The following MARCHF7 variants were observed in gnomAD, a reference collection of about 807,000 sequenced individuals.
MARCHF7 encodes the protein membrane associated ring-CH-type finger 7.
MARCHF7 carries 20 observed loss-of-function variants against 76.5 expected under a neutral mutation model. That is an observed-to-expected ratio of 0.26 (90% CI 0.18 to 0.38). The LOEUF (loss-of-function observed/expected upper bound fraction) is 0.38. MARCHF7 is among the 10% of genes least tolerant of loss of function. The pLI is 1.00. For missense variants in MARCHF7, 797 were observed against 812.9 expected (o/e 0.98, Z 0.24); for synonymous variants, 295 against 293.0 (o/e 1.01, Z -0.07).
chr2:159,720,169 G>A (rs560711535), intron 3 of MARCHF7, among the ~76,000 whole-genome samples: 1 of 152,250 alleles, frequency 6.6e-6, no homozygotes, highest in Non-Finnish European at 1.5e-5. Context: ...AGGATTACAG[G>A]AACGCAACAC....
chr2:159,719,696 T>C (rs1190975795), intron 3 of MARCHF7, among the ~76,000 whole-genome samples: 4 of 152,232 alleles, frequency 2.6e-5, no homozygotes, highest in Admixed American at 6.5e-5. Context: ...TTTGTTGACA[T>C]TGGGGCTATG....
intron 3 of MARCHF7, among the ~76,000 whole-genome samples, chr2:159,726,893 C>T (rs948377022): frequency 6.6e-6 from 1 of 152,106 alleles, no homozygotes; most frequent in Non-Finnish European, 1.5e-5. Flanking sequence ...TAAATACTTA[C>T]CATTGAATTA....
rs1349170711 is a variant in MARCHF7 at position 159,748,229 on chromosome 2, T to C, written c.939T>C (p.Asn313=). The part of the protein sequence containing the change: ...SLNTRSLNSE[N]SYVSPRILTA... ...ATACAAGATCATTGAATTCTGAAAA[T>C]TCTTACGTTTCTCCAAGAATCTTGA... Residue 313 remains asparagine, a synonymous_variant, in exon 7 of 12, where the codon AAT becomes AAC. Transcript: ENST00000409175. 1.2e-6 allele frequency: 2 copies of C among 1,613,904 alleles called. No homozygotes were observed. The highest frequency in any genetic ancestry group is 1.7e-6 in the Non-Finnish European group (2 of 1,180,008).
In MARCHF7 at chr2:159,728,994, AT is replaced by A; in HGVS notation, c.-14-10del. ...ATTTTCCCAAAGGCAATTAATGAAAATTTTTATTTCACAGAAAAATCTTTAA... is the reference window on the plus strand; with the variant it reads ...ATTTTCCCAAAGGCAATTAATGAAAATTTTATTTCACAGAAAAATCTTTAA... On this transcript the variant is annotated splice_polypyrimidine_tract_variant and intron_variant, in intron 3 of 11. Transcript: ENST00000409175. 1 of 1,511,182 alleles carries A rather than the reference AT, an allele frequency of 6.6e-7. No homozygotes were observed. The highest frequency in any genetic ancestry group is 8.9e-7 in the Non-Finnish European group (1 of 1,129,028). 93.6% of individuals were successfully genotyped at this position (1,511,182 alleles called of 1,614,324 possible).
chr2:159,733,635 AT>A, intron 4 of MARCHF7: 3 of 985,308 alleles, frequency 3.0e-6, no homozygotes, highest in Non-Finnish European at 3.6e-6. Flanking sequence ...CACTTGGTAA[AT>A]CTGAAGCTTC....
At chr2:159,745,200 A>G (rs555155110) in intron 5 of MARCHF7, among the ~76,000 whole-genome samples, 57 of 152,358 alleles carry the variant, frequency 3.7e-4, no homozygotes, top group African/African-American at 1.3e-3. Flanking sequence ...GAAGTGATTG[A>G]GACATTGACA....
intron 6 of MARCHF7, 103 bp from the exon 7 acceptor site, chr2:159,747,702 T>C: frequency 9.1e-7 from 1 of 1,097,460 alleles, no homozygotes; most frequent in Admixed American, 2.6e-5. Context: ...TATAACAGTA[T>C]TAAGTTTGAA....
chr2:159,726,189 T>C (rs1702138701), intron 3 of MARCHF7, among the ~76,000 whole-genome samples: 1 of 152,116 alleles, frequency 6.6e-6, no homozygotes, highest in Non-Finnish European at 1.5e-5. Flanking sequence ...TGGGGAAGAA[T>C]CTGAAGCTCT....
At chr2:159,739,221 C>T (rs903307154) in intron 4 of MARCHF7, among the ~76,000 whole-genome samples, 1 of 152,212 alleles carries the variant, frequency 6.6e-6, no homozygotes. Context: ...TGGAAGTGGT[C>T]AGGGCTCCCA....
chr2:159,736,430 A>T (rs936503309), intron 4 of MARCHF7, among the ~76,000 whole-genome samples: 2 of 152,180 alleles, frequency 1.3e-5, no homozygotes, highest in Non-Finnish European at 2.9e-5. Flanking sequence ...AGAAATGCCT[A>T]TTTATAATAG....
intron 4 of MARCHF7, among the ~76,000 whole-genome samples, chr2:159,739,983 C>T (rs1039298840): frequency 6.6e-6 from 1 of 152,124 alleles, no homozygotes; most frequent in Non-Finnish European, 1.5e-5. Flanking sequence ...TAAATCTGCT[C>T]CCCTATAATC....
At chr2:159,730,496 A>G (rs1279227224) in intron 4 of MARCHF7, among the ~76,000 whole-genome samples, 1 of 152,192 alleles carries the variant, frequency 6.6e-6, no homozygotes, top group Non-Finnish European at 1.5e-5. Context: ...GCTCATATCT[A>G]CTACCCATTT....
chr2:159,762,575 G>A (rs1429013573), intron 9 of MARCHF7, among the ~76,000 whole-genome samples: 2 of 152,116 alleles, frequency 1.3e-5, no homozygotes, highest in Non-Finnish European at 2.9e-5. Flanking sequence ...ATAGCCATTT[G>A]TATAATGAAA....
chr2:159,725,715 G>A (rs374639178), intron 3 of MARCHF7, among the ~76,000 whole-genome samples: 5 of 152,164 alleles, frequency 3.3e-5, no homozygotes, highest in South Asian at 4.1e-4. Flanking sequence ...TGTTTTTATT[G>A]TTGTTTACTT....
At chr2:159,727,275 CT>C (rs1168327572) in intron 3 of MARCHF7, among the ~76,000 whole-genome samples, 1 of 152,094 alleles carries the variant, frequency 6.6e-6, no homozygotes, top group Non-Finnish European at 1.5e-5. Flanking sequence ...CTTGTAAATC[CT>C]TGCCTCAGAA....
chr2:159,724,866 G>A (rs1020896674), intron 3 of MARCHF7, among the ~76,000 whole-genome samples: 1 of 152,036 alleles, frequency 6.6e-6, no homozygotes, highest in African/African-American at 2.4e-5. Flanking sequence ...AGTGTGTGAT[G>A]TTCCCTGCCC....
At chr2:159,754,942 A>G (rs540646332) in intron 8 of MARCHF7, among the ~76,000 whole-genome samples, 4 of 152,210 alleles carry the variant, frequency 2.6e-5, no homozygotes, top group Non-Finnish European at 5.9e-5. Context: ...TAGTGTCTAT[A>G]AAAGTGATTT....
At position 159,762,793 on chromosome 2, in the gene MARCHF7, A is replaced by G. The variant is rs16844308; in HGVS notation, c.1894-87A>G. 0.021 allele frequency: 13,302 copies of G among 626,206 alleles called. 1,274 individuals carry two copies. The African/African-American group carries it at 0.22, about 10-fold the overall frequency. The allele number at this position is 626,206 out of a possible 1,614,324, so 38.8% of individuals were successfully genotyped here. A position where few individuals can be genotyped will look rare whatever the true frequency, so the allele number is the denominator to read the frequency against. On this transcript the variant is annotated intron_variant, in intron 9 of 11. Transcript: ENST00000409175. ...GATATGAATACATTTCCTCTAGTTT[A>G]TCAGTGTACTGTGAGTATCAATCTC...
At chr2:159,734,275 AAGG>A (rs1248142350) in intron 4 of MARCHF7, among the ~76,000 whole-genome samples, 5 of 151,754 alleles carry the variant, frequency 3.3e-5, no homozygotes, top group East Asian at 3.9e-4. Context: ...ATAATTTTAA[AAGG>A]AGGCTTTTTA....
Sources: gnomAD v4.1 joint callset for allele counts (sites outside exome capture counted in the v4.1 genomes callset) on GRCh38, gnomAD v4.1.1 for gene constraint, MANE v1.5 for transcripts, NCBI Gene and HGNC (gene_info 2026-07-23, HGNC 2026-07-21) for gene names.